ZCCHC14: variants seen among roughly 807,000 people sequenced by gnomAD.
ZCCHC14 encodes zinc finger CCHC domain-containing protein 14.
A neutral mutation model predicts 85.0 loss-of-function variants in ZCCHC14; 16 were observed. That is an observed-to-expected ratio of 0.19 (90% CI 0.13 to 0.29). ZCCHC14 has a LOEUF of 0.29. Ranked by LOEUF, ZCCHC14 falls within the 10% of genes least tolerant of loss-of-function variation. The pLI, the probability that ZCCHC14 is intolerant of heterozygous loss-of-function variation, is 1.00. For missense variants in ZCCHC14, 1,303 were observed against 1,443.5 expected, an observed-to-expected ratio of 0.90 and a Z score of 1.58; for synonymous variants, 775 against 630.7, an observed-to-expected ratio of 1.23 and a Z score of -3.43.
chr16:87,458,647 A>C (rs1397849036), intron 2 of ZCCHC14, among the ~76,000 whole-genome samples: 1 of 152,182 alleles, frequency 6.6e-6, no homozygotes, highest in Non-Finnish European at 1.5e-5. Context: ...GGACTTTAGA[A>C]ACAAAGCAGT....
At chr16:87,449,767 G>A (rs367823168) in intron 2 of ZCCHC14, among the ~76,000 whole-genome samples, 1 of 152,180 alleles carries the variant, frequency 6.6e-6, no homozygotes, top group Non-Finnish European at 1.5e-5. Context: ...AGGATAAGCT[G>A]GGCATGGGGG....
At chr16:87,422,295 C>T (rs986489620) in intron 4 of ZCCHC14, among the ~76,000 whole-genome samples, 12 of 151,986 alleles carry the variant, frequency 7.9e-5, no homozygotes, top group Non-Finnish European at 1.5e-4. Flanking sequence ...ACCACCCAGA[C>T]GTACACACAG....
Position 87,412,236 on chromosome 16 carries a change from G to A in ZCCHC14, c.2485C>T (p.Pro829Ser), listed in dbSNP as rs766088549. ...KVAFSAMSSM[P>S]VGPLQGGFCA... ...AAGCCACCCTGCAGGGGGCCCACTG[G>A]CATACTGCTCATTGCAGAAAAGGCA... The change falls in exon 12 of 13, where the codon CCA (proline) becomes TCA (serine). Residue 829 changes from proline (P) to serine (S), a missense_variant. By Grantham distance (74) the Pro-to-Ser change is moderately conservative. Around this residue, in one of 7 missense-constraint regions of ZCCHC14, gnomAD observed 797 missense variants for 730.8 expected, o/e 1.09. Transcript: ENST00000671377. The A allele has an allele frequency of 6.2e-7, 1 of 1,612,532 alleles. No homozygotes were observed. Among genetic ancestry groups the A allele is most frequent in the Non-Finnish European group, 8.5e-7 (1 of 1,178,802 alleles).
At chr16:87,430,654 T>A (rs1457034761) in intron 3 of ZCCHC14, among the ~76,000 whole-genome samples, 1 of 151,994 alleles carries the variant, frequency 6.6e-6, no homozygotes, top group Non-Finnish European at 1.5e-5. Flanking sequence ...CCCGAGTAGC[T>A]GGGACTACGG....
Position 87,412,368 on chromosome 16 carries a change from C to T in ZCCHC14, c.2353G>A (p.Asp785Asn). 6.2e-7 allele frequency: 1 copy of T among 1,614,174 alleles called. No homozygotes were observed. Among genetic ancestry groups the T allele is most frequent in the Non-Finnish European group, 8.5e-7 (1 of 1,180,042 alleles). Residue 785 changes from aspartate to asparagine, a missense_variant, in exon 12 of 13, where the codon GAT (aspartate) becomes AAT (asparagine). Physicochemically the swap from Asp to Asn is conservative, Grantham distance 23. Transcript: ENST00000671377. The part of the protein sequence containing the change: ...KLLLSSSVPA[D>N]SAISGQTSCP... ...GAAGTTTGCCCAGAAATGGCAGAAT[C>T]AGCAGGAACAGATGACGACAGCAGC...
intron 4 of ZCCHC14, among the ~76,000 whole-genome samples, chr16:87,421,865 G>A (rs972481441): frequency 4.6e-5 from 7 of 151,802 alleles, no homozygotes; most frequent in South Asian, 2.1e-4. Flanking sequence ...CATAAATCTC[G>A]CTCTCCTCCG....
chr16:87,467,370 A>T (rs1911572708), intron 1 of ZCCHC14: 3 of 1,598,556 alleles, frequency 1.9e-6, no homozygotes, highest in Middle Eastern at 1.7e-4. Flanking sequence ...TGGGGTAATT[A>T]AGCAAGAGAA....
chr16:87,439,861 C>T (rs574559288), intron 2 of ZCCHC14, among the ~76,000 whole-genome samples: 1 of 152,352 alleles, frequency 6.6e-6, no homozygotes, highest in Non-Finnish European at 1.5e-5. Context: ...ACAGGACAAT[C>T]AGCACAATAG....
In ZCCHC14 at chr16:87,440,750, G is replaced by A. The variant is rs1204088554; in HGVS notation, c.695-7549C>T. Among the ~76,000 whole-genome samples, 4 of 151,986 alleles carry A rather than the reference G, an allele frequency of 2.6e-5. No individual in the cohort carries two copies. In the East Asian group the frequency reaches 7.7e-4, roughly 29 times the overall value. On this transcript the variant is annotated intron_variant, in intron 2 of 12. Transcript: ENST00000671377. ...GCCTCCTGAGTAGCTGGCTCTACAG[G>A]CATGCATCACCATGCCCAGCCGATT...
intron 2 of ZCCHC14, among the ~76,000 whole-genome samples, chr16:87,454,024 C>G (rs1453593733): frequency 2.0e-5 from 3 of 152,062 alleles, no homozygotes; most frequent in Non-Finnish European, 4.4e-5. Flanking sequence ...GGTATGAAAA[C>G]GTCCATTAGC....
chr16:87,431,045 G>A (rs922227651), intron 3 of ZCCHC14, among the ~76,000 whole-genome samples: 11 of 151,992 alleles, frequency 7.2e-5, no homozygotes, highest in South Asian at 2.1e-4. Flanking sequence ...AGGCTAAGGT[G>A]AGGGGACTGC....
chr16:87,412,427 G>C lies in ZCCHC14; in HGVS notation c.2294C>G (p.Thr765Arg). 3.1e-6 allele frequency: 5 copies of C among 1,614,068 alleles called. No individual in the cohort carries two copies. Among genetic ancestry groups the C allele is most frequent in the Non-Finnish European group, 4.2e-6 (5 of 1,179,980 alleles). ...GGGCGGACGGGCGGCGTGGAGGACTGTGCTGGGCGTCCCCGTGGCGGCCGT... is the reference window on the plus strand; with the variant it reads ...GGGCGGACGGGCGGCGTGGAGGACTCTGCTGGGCGTCCCCGTGGCGGCCGT... Reference protein sequence around the residue: ...TSTAATGTPSTVLHAARPPIK... With the variant: ...TSTAATGTPSRVLHAARPPIK... The change falls in exon 12 of 13, where the codon ACA becomes AGA. Residue 765 changes from threonine (T) to arginine (R), a missense_variant. Coordinates refer to ENST00000671377, the MANE Select transcript of ZCCHC14 (RefSeq NM_015144.3).
intron 4 of ZCCHC14, 68 bp downstream of exon 4, chr16:87,423,742 C>A (rs1033496263): frequency 6.4e-7 from 1 of 1,560,856 alleles, no homozygotes; most frequent in South Asian, 1.1e-5. Flanking sequence ...TGAAATTACT[C>A]CGTGGTATCA....
At chr16:87,445,201 G>A (rs1283148831) in intron 2 of ZCCHC14, among the ~76,000 whole-genome samples, 2 of 151,928 alleles carry the variant, frequency 1.3e-5, no homozygotes, top group Non-Finnish European at 2.9e-5. Context: ...GAAGCAGCTG[G>A]GACTACAGGT....
At chr16:87,424,888 AT>A (rs931766820) in intron 3 of ZCCHC14, among the ~76,000 whole-genome samples, 5 of 152,128 alleles carry the variant, frequency 3.3e-5, no homozygotes, top group Non-Finnish European at 5.9e-5. Context: ...AAGCTGGGGG[AT>A]TTCAAGTCGG....
intron 3 of ZCCHC14, among the ~76,000 whole-genome samples, chr16:87,429,338 C>G (rs1909532018): frequency 6.6e-6 from 1 of 152,166 alleles, no homozygotes; most frequent in Non-Finnish European, 1.5e-5. Context: ...TCTTCCTTGG[C>G]AAATCATCTT....
chr16:87,453,560 C>G (rs1346385149), intron 2 of ZCCHC14, among the ~76,000 whole-genome samples: 1 of 152,244 alleles, frequency 6.6e-6, no homozygotes, highest in Non-Finnish European at 1.5e-5. Context: ...CGCCACACAC[C>G]TGGCTGCCCC....
At chr16:87,463,763 C>T (rs1156952389) in intron 1 of ZCCHC14, among the ~76,000 whole-genome samples, 4 of 152,126 alleles carry the variant, frequency 2.6e-5, no homozygotes, top group Non-Finnish European at 4.4e-5. Context: ...GTGGAGGTTG[C>T]AGTGAGCTGA....
intron 1 of ZCCHC14, among the ~76,000 whole-genome samples, chr16:87,462,747 A>AAAG (rs1911330534): frequency 6.7e-6 from 1 of 150,192 alleles, no homozygotes; most frequent in Non-Finnish European, 1.5e-5. Flanking sequence ...CAAAAAAAAA[A>AAAG]AAAAGAAAAA....
Sources: gnomAD v4.1 joint callset for allele counts (sites outside exome capture counted in the v4.1 genomes callset) on GRCh38, gnomAD v4.1.1 for gene constraint, gnomAD v4.1.1 regional missense constraint, MANE v1.5 for transcripts, NCBI Gene and HGNC (gene_info 2026-07-23, HGNC 2026-07-21) for gene names.